Variants in PTPN18 observed in about 807,000 individuals in gnomAD.
PTPN18 encodes tyrosine-protein phosphatase non-receptor type 18.
In PTPN18, 65 loss-of-function variants were observed where a neutral mutation model predicts 65.4. That is an observed-to-expected ratio of 0.99 (90% CI 0.81 to 1.22). The LOEUF (loss-of-function observed/expected upper bound fraction) is 1.22. PTPN18 is among the 50% of genes most tolerant of loss of function. PTPN18 has a pLI of 0.00. For missense variants in PTPN18, 616 were observed against 646.5 expected (o/e 0.95, Z 0.51); for synonymous variants, 255 against 267.8 (o/e 0.95, Z 0.47).
rs1680597294 is a variant in PTPN18 at position 130,372,374 on chromosome 2, G to A, written c.1131G>A (p.Gly377=). ...GGACGCAGACGGGGACGGGGACGGG[G>A]ACGGGGGCGCGCAGCGCGGAGGAGG... is the stretch of plus-strand genomic sequence containing the variant. The part of the protein sequence containing the change: ...GSGTQTGTGT[G]TGARSAEEAP... The change falls in exon 13 of 15, where the codon GGG becomes GGA. Residue 377 remains glycine, a synonymous_variant. Transcript: ENST00000175756. The A allele has an allele frequency of 7.3e-7, 1 of 1,371,632 alleles. No homozygotes were observed. The allele number at this position is 1,371,632 out of a possible 1,614,324, so 85.0% of individuals were successfully genotyped here.
At chr2:130,368,759 T>C (rs1680462564) in intron 5 of PTPN18, 1 of 161,614 alleles carries the variant, frequency 6.2e-6, no homozygotes, top group Non-Finnish European at 1.3e-5. Context: ...AGTGGGATCA[T>C]TAGACTCATG....
chr2:130,363,740 C>CT (rs1680299022), intron 5 of PTPN18, among the ~76,000 whole-genome samples: 1 of 152,084 alleles, frequency 6.6e-6, no homozygotes, highest in Non-Finnish European at 1.5e-5. Context: ...AACAGTGCTG[C>CT]TATCAACACT....
At chr2:130,370,424 A>G in intron 8 of PTPN18, 133 bp from the exon 9 acceptor site, 1 of 1,199,944 alleles carries the variant, frequency 8.3e-7, no homozygotes, top group Non-Finnish European at 1.2e-6. Context: ...TTGTTCAGAT[A>G]TAATCTGAAG....
chr2:130,361,848 A>G (rs1481728793), intron 5 of PTPN18, among the ~76,000 whole-genome samples: 1 of 152,172 alleles, frequency 6.6e-6, no homozygotes, highest in African/African-American at 2.4e-5. Flanking sequence ...TCAGCCTCCC[A>G]AAGTCCTGAG....
intron 5 of PTPN18, among the ~76,000 whole-genome samples, chr2:130,366,242 C>CT (rs1365135275): frequency 6.6e-6 from 1 of 152,202 alleles, no homozygotes; most frequent in Non-Finnish European, 1.5e-5. Flanking sequence ...TGCTGGTAGT[C>CT]TGACATTTTG....
chr2:130,357,199 G>C (rs562207542), intron 1 of PTPN18, among the ~76,000 whole-genome samples: 31 of 152,272 alleles, frequency 2.0e-4, no homozygotes, highest in African/African-American at 7.5e-4. Context: ...CACAGAGTGA[G>C]ATCCCATCTC....
intron 1 of PTPN18, among the ~76,000 whole-genome samples, chr2:130,358,505 C>T (rs1228937687): frequency 1.3e-5 from 2 of 152,014 alleles, no homozygotes; most frequent in South Asian, 2.1e-4. Context: ...GGGTGGGTGC[C>T]GAGAGGGTCT....
chr2:130,373,215 C>T lies in PTPN18; in HGVS notation c.1374C>T (p.Thr458=). 3 of 1,599,978 alleles carry T rather than the reference C, an allele frequency of 1.9e-6. No individual in the cohort carries two copies. Among genetic ancestry groups the T allele is most frequent in the Non-Finnish European group, 2.6e-6 (3 of 1,173,940 alleles). The change falls in exon 15 of 15, where the codon ACC becomes ACT. Residue 458 remains threonine, a synonymous_variant. Transcript: ENST00000175756. This position sits in a 1 kb window ranked among gnomAD's most constrained non-coding sequence, Gnocchi z 4.1. Reference sequence around the variant, plus strand: ...CCCGGGACCCGCCTGCTGAGTGGACCCGGGTGTAAGTCTAACGCCAGTTCC... The same window carrying T: ...CCCGGGACCCGCCTGCTGAGTGGACTCGGGTGTAAGTCTAACGCCAGTTCC... ...KGPRDPPAEW[T]RV
rs761583375 is a variant in PTPN18 at position 130,372,934 on chromosome 2, G to C, written c.1302G>C (p.Gln434His). 6.2e-7 allele frequency: 1 copy of C among 1,614,164 alleles called. No homozygotes were observed. Among genetic ancestry groups the C allele is most frequent in the Admixed American group, 1.7e-5 (1 of 60,032 alleles). Residue 434 changes from glutamine (Q) to histidine (H), a missense_variant, in exon 14 of 15, where the codon CAG (glutamine) becomes CAC (histidine). By Grantham distance (24) the Gln-to-His change is conservative. Transcript: ENST00000175756. ...GAYEDVAGGA[Q>H]TGGLGFNLRI... The stretch of plus-strand genomic sequence containing the variant: ...ACGAGGACGTGGCGGGTGGAGCTCA[G>C]ACCGGTGGGCTAGGTAAGTCAGGTA...
chr2:130,357,855 C>CA (rs549804785), intron 1 of PTPN18, among the ~76,000 whole-genome samples: 1,869 of 88,290 alleles, frequency 0.021, 56 homozygotes, highest in African/African-American at 0.053. Context: ...GACTCCATCT[C>CA]AAAAAAAAAA....
At chr2:130,371,160 C>G (rs1328570144) in intron 11 of PTPN18, 39 bp from the exon 12 acceptor site, 2 of 1,533,242 alleles carry the variant, frequency 1.3e-6, no homozygotes, top group Admixed American at 1.7e-5. Flanking sequence ...GCCTGGCCAG[C>G]TTCCTCCCTC....
chr2:130,369,163 C>G lies in PTPN18; in HGVS notation c.445C>G (p.Gln149Glu). The G allele has an allele frequency of 6.2e-7, 1 of 1,613,366 alleles. No homozygotes were observed. The highest frequency in any genetic ancestry group is 8.5e-7 in the Non-Finnish European group (1 of 1,179,658). Residue 149 changes from glutamine (Q) to glutamate (E), a missense_variant, in exon 6 of 15, where the codon CAG becomes GAG. Around this residue, in one of 3 missense-constraint regions of PTPN18, gnomAD observed 223 missense variants for 210.0 expected, o/e 1.06. Transcript: ENST00000175756. Reference protein sequence around the residue: ...KRCERYWAQEQEPLQTGLFCI... With the variant: ...KRCERYWAQEEEPLQTGLFCI... ...GTGTGAGCGGTACTGGGCCCAGGAG[C>G]AGGAGCCACTGCAGACTGGGCTTTT...
Position 130,373,106 on chromosome 2 carries a change from T to C in PTPN18, c.1316-51T>C. On this transcript the variant is annotated intron_variant, in intron 14 of 14. Coordinates refer to ENST00000175756, the MANE Select transcript of PTPN18 (RefSeq NM_014369.4). The surrounding 1 kb of genome is among the most constrained non-coding windows in gnomAD (Gnocchi z 4.1). ...ATGGCCTTCTTCATGTCTGCCAGCT[T>C]CCACACACCTCAGCTTCTCCATGAG... 6.4e-7 allele frequency: 1 copy of C among 1,553,224 alleles called. No homozygotes were observed. Among genetic ancestry groups the C allele is most frequent in the Non-Finnish European group, 8.7e-7 (1 of 1,144,490 alleles).
chr2:130,370,598 A>G lies in PTPN18; in HGVS notation c.731A>G (p.Tyr244Cys). ...GRTGVLCTVD[Y>C]VRQLLLTQMI... ...ACAGGCGTCCTGTGCACCGTGGATT[A>G]TGTGAGGCAGCTGCTCCTGACCCAG... is the stretch of plus-strand genomic sequence containing the variant. The change falls in exon 9 of 15, where the codon TAT (tyrosine) becomes TGT (cysteine). Residue 244 changes from tyrosine to cysteine, a missense_variant. By Grantham distance (194) the Tyr-to-Cys change is radical. Transcript: ENST00000175756. 1 of 1,614,096 alleles carries G rather than the reference A, an allele frequency of 6.2e-7. No individual in the cohort carries two copies. Among genetic ancestry groups the G allele is most frequent in the Non-Finnish European group, 8.5e-7 (1 of 1,180,022 alleles).
At chr2:130,358,574 C>T (rs78551818) in intron 1 of PTPN18, among the ~76,000 whole-genome samples, 5,042 of 152,124 alleles carry the variant, frequency 0.033, 252 homozygotes, top group African/African-American at 0.11. Context: ...CGCTGAACCA[C>T]GTGGTGCATA....
At chr2:130,356,516 G>A (rs551581937) in intron 1 of PTPN18, 3 of 515,864 alleles carry the variant, frequency 5.8e-6, no homozygotes, top group Non-Finnish European at 1.1e-5. Flanking sequence ...GGCGGGCGCC[G>A]CAGGGGAGGG....
At chr2:130,364,103 T>C (rs1158582633) in intron 5 of PTPN18, among the ~76,000 whole-genome samples, 1 of 152,232 alleles carries the variant, frequency 6.6e-6, no homozygotes, top group African/African-American at 2.4e-5. Flanking sequence ...TTAAACCATT[T>C]CAAGTGTACA....
rs1270061048 is a variant in PTPN18 at position 130,369,196 on chromosome 2, A to T, written c.478A>T (p.Thr160Ser). Residue 160 changes from threonine (T) to serine (S), a missense_variant, in exon 6 of 15, where the codon ACT (threonine) becomes TCT (serine). Physicochemically the swap from Thr to Ser is moderately conservative, Grantham distance 58. This residue lies in a region of PTPN18 where 25 missense variants were observed against 49.8 expected (regional missense o/e 0.50). Transcript: ENST00000175756. Reference sequence around the variant, plus strand: ...ACTGCAGACTGGGCTTTTCTGCATCACTCTGGTGAGCTGTGGGAGTTTTCA... The same window carrying T: ...ACTGCAGACTGGGCTTTTCTGCATCTCTCTGGTGAGCTGTGGGAGTTTTCA... ...EPLQTGLFCI[T>S]LIKEKWLNED... is the part of the protein sequence containing the mutation. The T allele has an allele frequency of 1.9e-6, 3 of 1,612,340 alleles. No individual in the cohort carries two copies. Among genetic ancestry groups the T allele is most frequent in the African/African-American group, 2.7e-5 (2 of 74,758 alleles).
chr2:130,370,592 T>C lies in PTPN18; in HGVS notation c.725T>C (p.Val242Ala), dbSNP rs747889781. The change falls in exon 9 of 15, where the codon GTG (valine) becomes GCG (alanine). Residue 242 changes from valine to alanine, a missense_variant. Val to Ala is a moderately conservative substitution (Grantham distance 64). This residue lies in a region of PTPN18 where 368 missense variants were observed against 386.7 expected (regional missense o/e 0.95). Coordinates refer to ENST00000175756, the MANE Select transcript of PTPN18 (RefSeq NM_014369.4). ...GCGRTGVLCT[V>A]DYVRQLLLTQ... Reference sequence around the variant, plus strand: ...GGGCGAACAGGCGTCCTGTGCACCGTGGATTATGTGAGGCAGCTGCTCCTG... The same window carrying C: ...GGGCGAACAGGCGTCCTGTGCACCGCGGATTATGTGAGGCAGCTGCTCCTG... The C allele has an allele frequency of 6.2e-7, 1 of 1,614,078 alleles. No individual in the cohort carries two copies. Among genetic ancestry groups the C allele is most frequent in the East Asian group, 2.2e-5 (1 of 44,868 alleles).
Sources: gnomAD v4.1 joint callset for allele counts (sites outside exome capture counted in the v4.1 genomes callset) on GRCh38, gnomAD v4.1.1 for gene constraint, gnomAD v4.1.1 regional missense constraint, Gnocchi (gnomAD v3.1) non-coding constraint, MANE v1.5 for transcripts, NCBI Gene and HGNC (gene_info 2026-07-23, HGNC 2026-07-21) for gene names.